ERCC2: variants seen among roughly 807,000 people sequenced by gnomAD.
ERCC2 encodes ERCC excision repair 2, TFIIH core complex helicase subunit.
In ERCC2, 90 loss-of-function variants were observed where a neutral mutation model predicts 99.4. The observed-to-expected ratio is 0.91, with a 90% CI of 0.76 to 1.08. The LOEUF (loss-of-function observed/expected upper bound fraction) is 1.08. Ranked by LOEUF, ERCC2 falls within the 50% of genes least tolerant of loss-of-function variation. ERCC2 has a pLI of 0.00. For missense variants in ERCC2, 993 were observed against 1,038.1 expected (o/e 0.96, Z 0.60); for synonymous variants, 497 against 432.4 (o/e 1.15, Z -1.85).
At chr19:45,361,839 T>A (rs1972234198) in intron 11 of ERCC2, 197 bp from the exon 12 acceptor site, 2 of 617,084 alleles carry the variant, frequency 3.2e-6, no homozygotes, top group African/African-American at 3.6e-5. Flanking sequence ...CATTGCCGCA[T>A]AATGGCACAG....
chr19:45,369,085 G>A lies in ERCC2; in HGVS notation c.168C>T (p.Ile56=), dbSNP rs958770076. The A allele has an allele frequency of 1.2e-6, 2 of 1,614,158 alleles. No homozygotes were observed. Among genetic ancestry groups the A allele is most frequent in the Non-Finnish European group, 8.5e-7 (1 of 1,180,012 alleles). Reference sequence around the variant, plus strand: ...CATCACTCACTCTCTGGTATGCCATGATCAGGGCCAACAGGGATACTGTCT... The same window carrying A: ...CATCACTCACTCTCTGGTATGCCATAATCAGGGCCAACAGGGATACTGTCT... The part of the protein sequence containing the change: ...TGKTVSLLAL[I]MAYQRAYPLE... The change falls in exon 3 of 23, where the codon ATC becomes ATT. Residue 56 remains isoleucine (I), a synonymous_variant. Coordinates refer to ENST00000391945, the MANE Select transcript of ERCC2 (RefSeq NM_000400.4).
Position 45,351,120 on chromosome 19 carries a change from T to G in ERCC2, c.*509A>C, listed in dbSNP as rs1405914799. 1.1e-5 allele frequency: 17 copies of G among 1,605,640 alleles called. No homozygotes were observed. The African/African-American group carries it at 2.0e-4, about 19-fold the overall frequency. On this transcript the variant is annotated 3_prime_UTR_variant, in exon 23 of 23. Coordinates refer to ENST00000391945, the MANE Select transcript of ERCC2 (RefSeq NM_000400.4). ...GGCCAGTGGTGGAGTCAGCAGGTGG[T>G]GGGTTGGTGTCAGAAGAGACCCAGG... is the stretch of plus-strand genomic sequence containing the variant.
intron 1 of ERCC2, 39 bp from the exon 2 acceptor site, chr19:45,370,271 AG>A (rs1233196287): frequency 1.9e-6 from 3 of 1,608,146 alleles, no homozygotes; most frequent in Non-Finnish European, 2.5e-6. Flanking sequence ...CCGTCCCCTC[AG>A]CCCCTCTCCC....
At chr19:45,363,527 T>A (rs1972299318) in intron 11 of ERCC2, among the ~76,000 whole-genome samples, 1 of 152,148 alleles carries the variant, frequency 6.6e-6, no homozygotes, top group African/African-American at 2.4e-5. Flanking sequence ...AGCCAGGTGT[T>A]GCCTGCCAGG....
Position 45,351,318 on chromosome 19 carries a change from G to T in ERCC2, c.*311C>A, listed in dbSNP as rs759993242. 3 of 1,612,174 alleles carry T rather than the reference G, an allele frequency of 1.9e-6. No homozygotes were observed. Among genetic ancestry groups the T allele is most frequent in the South Asian group, 2.2e-5 (2 of 91,072 alleles). ...GCTGGCACCTGGACAAGGCCCCTCG[G>T]ACCCTCAGCGCCAGCACCCAGGACC... On this transcript the variant is annotated 3_prime_UTR_variant, in exon 23 of 23. Transcript: ENST00000391945.
At position 45,350,956 on chromosome 19, in the gene ERCC2, T is replaced by C; in HGVS notation, c.*673A>G. On this transcript the variant is annotated 3_prime_UTR_variant, in exon 23 of 23. Transcript: ENST00000391945. ...CCTCCCTGCTGCCCTCTTTGCAGAATGAAGAGAGCCATGTCACTCAACACA... is the reference window on the plus strand; with the variant it reads ...CCTCCCTGCTGCCCTCTTTGCAGAACGAAGAGAGCCATGTCACTCAACACA... The C allele has an allele frequency of 3.7e-6, 6 of 1,613,974 alleles. No homozygotes were observed. The highest frequency in any genetic ancestry group is 5.1e-6 in the Non-Finnish European group (6 of 1,179,942).
Position 45,353,076 on chromosome 19 carries a change from C to T in ERCC2, c.1831+7G>A, listed in dbSNP as rs766263967. ...ACACCTGGGGAGGAAGAGCCCAGTCCACTCACCAAAGTCGATTCCCTCGGA... is the reference window on the plus strand; with the variant it reads ...ACACCTGGGGAGGAAGAGCCCAGTCTACTCACCAAAGTCGATTCCCTCGGA... On this transcript the variant is annotated splice_region_variant and intron_variant, in intron 19 of 22. Coordinates refer to ENST00000391945, the MANE Select transcript of ERCC2 (RefSeq NM_000400.4). The T allele has an allele frequency of 6.8e-6, 11 of 1,611,644 alleles. No homozygotes were observed. The highest frequency in any genetic ancestry group is 1.7e-5 in the Admixed American group (1 of 59,984).
At chr19:45,360,077 T>C (rs1372585831) in intron 12 of ERCC2, among the ~76,000 whole-genome samples, 1 of 129,504 alleles carries the variant, frequency 7.7e-6, no homozygotes, top group African/African-American at 3.9e-5. Context: ...GCCAGGCCTA[T>C]TTTTTTTCTT....
intron 5 of ERCC2, among the ~76,000 whole-genome samples, chr19:45,366,232 TC>T (rs747925280): frequency 2.2e-4 from 33 of 151,250 alleles, no homozygotes; most frequent in Non-Finnish European, 4.3e-4. Flanking sequence ...AACCTCCGCC[TC>T]CCAGGTTCAA....
At chr19:45,361,933 C>CTTTTTCTT (rs745765011) in intron 11 of ERCC2, 8 of 401,220 alleles carry the variant, frequency 2.0e-5, no homozygotes, top group African/African-American at 6.1e-5. Context: ...TTCTTTTTTT[C>CTTTTTCTT]TTTTTCTTTT....
In ERCC2 at chr19:45,357,696, A is replaced by G. The variant is rs1354803589; in HGVS notation, c.1241T>C (p.Phe414Ser). 11 of 1,613,582 alleles carry G rather than the reference A, an allele frequency of 6.8e-6. No individual in the cohort carries two copies. In the Admixed American group the frequency reaches 1.2e-4, roughly 17 times the overall value. ...GTCAAAGGGCTCGATGATGATGGTGAAGCCTGCAGAGGGCAGGCAAGGAGG... is the reference window on the plus strand; with the variant it reads ...GTCAAAGGGCTCGATGATGATGGTGGAGCCTGCAGAGGGCAGGCAAGGAGG... ...ATLVSTYAKG[F>S]TIIIEPFDDR... The change falls in exon 13 of 23, where the codon TTC becomes TCC. Residue 414 changes from phenylalanine to serine, a missense_variant. Physicochemically the swap from Phe to Ser is radical, Grantham distance 155 (BLOSUM62 -2). Coordinates refer to ENST00000391945, the MANE Select transcript of ERCC2 (RefSeq NM_000400.4).
At chr19:45,362,849 A>G (rs1350424433) in intron 11 of ERCC2, among the ~76,000 whole-genome samples, 2 of 152,220 alleles carry the variant, frequency 1.3e-5, no homozygotes, top group Non-Finnish European at 2.9e-5. Context: ...CATGGCTTCA[A>G]GCCCCAACTA....
In ERCC2 at chr19:45,365,128, C is replaced by G. The variant is rs752794877; in HGVS notation, c.391G>C (p.Asp131His). Residue 131 changes from aspartate (D) to histidine (H), a missense_variant, in exon 6 of 23, where the codon GAT (aspartate) becomes CAT (histidine). Transcript: ENST00000391945. ...GCTGTGAGGCTGTGGCATTTCCCAT[C>G]GACGTCCTTCCCAAAGCGCAGGGGT... ...VTPLRFGKDV[D>H]GKCHSLTASY... 2 of 1,614,058 alleles carry G rather than the reference C, an allele frequency of 1.2e-6. No individual in the cohort carries two copies. The highest frequency in any genetic ancestry group is 2.7e-5 in the African/African-American group (2 of 74,920).
chr19:45,367,848 C>T (rs1261653009), intron 5 of ERCC2, among the ~76,000 whole-genome samples: 1 of 151,138 alleles, frequency 6.6e-6, no homozygotes, highest in East Asian at 1.9e-4. Context: ...TTAATGATAA[C>T]TAATATTGTA....
chr19:45,354,029 C>T (rs1287771134), intron 17 of ERCC2, among the ~76,000 whole-genome samples: 10 of 152,194 alleles, frequency 6.6e-5, no homozygotes, highest in Admixed American at 5.2e-4. Flanking sequence ...CCTATTGAAG[C>T]ACAAGGCCGA....
At position 45,368,759 on chromosome 19, in the gene ERCC2, G is replaced by C. The variant is rs1400283603; in HGVS notation, c.247-16C>G. 4 of 1,598,684 alleles carry C rather than the reference G, an allele frequency of 2.5e-6. No individual in the cohort carries two copies. The highest frequency in any genetic ancestry group is 3.4e-6 in the Non-Finnish European group (4 of 1,168,684). On this transcript the variant is annotated splice_polypyrimidine_tract_variant and intron_variant, in intron 4 of 22. Coordinates refer to ENST00000391945, the MANE Select transcript of ERCC2 (RefSeq NM_000400.4). ...CTTCAATCACCTACTCCAAAGTTGG[G>C]GGGCAGGGGGAGCTTGTGCTCATTG...
At chr19:45,358,808 T>G in intron 12 of ERCC2, 1 of 780,590 alleles carries the variant, frequency 1.3e-6, no homozygotes, top group Non-Finnish European at 2.4e-6. Flanking sequence ...CTTGTTTATT[T>G]GGCTGCATCT....
chr19:45,350,271 AAAAG>A lies in ERCC2; in HGVS notation c.*1354_*1357del, dbSNP rs1368478103. 35 of 1,242,080 alleles carry A rather than the reference AAAAG, an allele frequency of 2.8e-5. No homozygotes were observed. In the Admixed American group the frequency reaches 6.0e-4, roughly 21 times the overall value. 76.9% of individuals were successfully genotyped at this position (1,242,080 alleles called of 1,614,324 possible). A position where few individuals can be genotyped will look rare whatever the true frequency, so the allele number is the denominator to read the frequency against. ...ACCCCTGTCTCTACAAAAAAAAAAA[AAAAG>A]GCGGGACTGGATGCAGTGTTGGGAA... On this transcript the variant is annotated 3_prime_UTR_variant, in exon 23 of 23. Transcript: ENST00000391945.
chr19:45,364,453 A>G lies in ERCC2; in HGVS notation c.689T>C (p.Val230Ala), dbSNP rs2123291403. 6.2e-7 allele frequency: 1 copy of G among 1,614,006 alleles called. No homozygotes were observed. The highest frequency in any genetic ancestry group is 8.5e-7 in the Non-Finnish European group (1 of 1,180,006). ...LVSKELARKA[V>A]VVFDEAHNID... The stretch of plus-strand genomic sequence containing the variant: ...GTTGTGGGCCTCGTCGAAGACCACG[A>G]CGGCCTTGCGGGCCAGTTCCTTGGA... The change falls in exon 8 of 23, where the codon GTC (valine) becomes GCC (alanine). Residue 230 changes from valine (V) to alanine (A), a missense_variant. This residue lies in a region of ERCC2 where 909 missense variants were observed against 930.8 expected (regional missense o/e 0.98). Transcript: ENST00000391945.
Sources: allele counts gnomAD v4.1 joint callset (sites outside exome capture counted in the v4.1 genomes callset), GRCh38; gene constraint gnomAD v4.1.1; regional missense constraint gnomAD v4.1.1; transcripts MANE v1.5; gene names NCBI Gene and HGNC (gene_info 2026-07-23, HGNC 2026-07-21).